Variants in NME7 observed in about 807,000 individuals in gnomAD.
The protein encoded by NME7 is NME/NM23 family member 7.
Under a neutral mutation model 49.1 loss-of-function variants are expected in NME7, and 41 were observed. That is an observed-to-expected ratio of 0.83 (90% CI 0.65 to 1.08). The LOEUF (loss-of-function observed/expected upper bound fraction) is 1.08, where lower values mean the gene tolerates loss of function less well. NME7 is among the 50% of genes least tolerant of loss of function. The pLI is 0.00. For synonymous variants in NME7, 139 were observed against 150.6 expected (o/e 0.92, Z 0.56); for missense variants, 423 against 463.4 (o/e 0.91, Z 0.80).
At chr1:169,171,086 G>GTT (rs1659572999) in intron 10 of NME7, among the ~76,000 whole-genome samples, 1 of 152,202 alleles carries the variant, frequency 6.6e-6, no homozygotes. Flanking sequence ...CCAGTAAACT[G>GTT]TTTTATTAGA....
chr1:169,291,819 T>C (rs1371697775), intron 6 of NME7, among the ~76,000 whole-genome samples: 3 of 152,100 alleles, frequency 2.0e-5, no homozygotes, highest in Admixed American at 2.0e-4. Context: ...CAATGAAGTA[T>C]TTTTAATTGA....
At chr1:169,179,179 T>TA (rs959416972) in intron 10 of NME7, among the ~76,000 whole-genome samples, 1 of 152,186 alleles carries the variant, frequency 6.6e-6, no homozygotes, top group African/African-American at 2.4e-5. Flanking sequence ...ATGGATCTAA[T>TA]ACATGTGGCC....
chr1:169,205,876 C>A (rs749558268), intron 10 of NME7, among the ~76,000 whole-genome samples: 5 of 152,116 alleles, frequency 3.3e-5, no homozygotes, highest in Non-Finnish European at 7.4e-5. Flanking sequence ...TTTGACCTCA[C>A]CTCACACATT....
At chr1:169,339,171 C>G (rs1293809255) in intron 1 of NME7, among the ~76,000 whole-genome samples, 1 of 152,040 alleles carries the variant, frequency 6.6e-6, no homozygotes, top group Non-Finnish European at 1.5e-5. Context: ...TCAAAAAACT[C>G]CCCCCCAAAC....
At chr1:169,171,806 G>GTTT (rs35524440) in intron 10 of NME7, among the ~76,000 whole-genome samples, 1 of 145,258 alleles carries the variant, frequency 6.9e-6, no homozygotes, top group African/African-American at 2.5e-5. Context: ...ATTCCTGGCT[G>GTTT]TTTTTTTTTT....
chr1:169,175,499 AGTGG>A (rs1410784918), intron 10 of NME7, among the ~76,000 whole-genome samples: 1 of 152,204 alleles, frequency 6.6e-6, no homozygotes, highest in African/African-American at 2.4e-5. Context: ...CTTTAATACA[AGTGG>A]CAGCACAGTA....
chr1:169,311,529 T>C (rs1373796107), intron 3 of NME7, among the ~76,000 whole-genome samples: 2 of 152,170 alleles, frequency 1.3e-5, no homozygotes, highest in African/African-American at 2.4e-5. Flanking sequence ...GTGTGTTTAT[T>C]ACAAATTATA....
chr1:169,365,399 G>A (rs1653813569), intron 1 of NME7, among the ~76,000 whole-genome samples: 1 of 152,182 alleles, frequency 6.6e-6, no homozygotes, highest in Admixed American at 6.5e-5. Context: ...AGAACACGTT[G>A]GCCTGTAATA....
chr1:169,301,171 A>C (rs971722239), intron 5 of NME7, among the ~76,000 whole-genome samples: 3 of 152,128 alleles, frequency 2.0e-5, no homozygotes, highest in Non-Finnish European at 4.4e-5. Context: ...ATATTCACAA[A>C]CTATGCATTC....
At chr1:169,309,214 C>T (rs1169677215) in intron 4 of NME7, among the ~76,000 whole-genome samples, 8 of 152,074 alleles carry the variant, frequency 5.3e-5, no homozygotes, top group African/African-American at 1.9e-4. Flanking sequence ...TCTTTTCTTT[C>T]TTCTTTTTCT....
chr1:169,340,201 G>T (rs1652634546), intron 1 of NME7, among the ~76,000 whole-genome samples: 1 of 152,176 alleles, frequency 6.6e-6, no homozygotes, highest in Non-Finnish European at 1.5e-5. Context: ...GGTGGAAGGT[G>T]ATTGGATTAC....
intron 10 of NME7, among the ~76,000 whole-genome samples, chr1:169,181,364 TACACACACACACACACACAC>T (rs58453647): frequency 3.3e-5 from 3 of 91,464 alleles, no homozygotes; most frequent in Admixed American, 9.9e-5. Flanking sequence ...CTCAAATTCC[TACACACACACACACACACAC>T]ACACACACAC....
At chr1:169,235,236 C>T (rs1188944726) in intron 8 of NME7, 37 bp from the exon 9 acceptor site, 4 of 1,156,794 alleles carry the variant, frequency 3.5e-6, no homozygotes, top group Non-Finnish European at 3.7e-6. Context: ...AACCATAAAC[C>T]AACCAACAAA....
intron 1 of NME7, among the ~76,000 whole-genome samples, chr1:169,355,074 TATAATATATAATATA>T: frequency 1.6e-5 from 1 of 64,090 alleles, no homozygotes; most frequent in Non-Finnish European, 2.7e-5. Flanking sequence ...ATATTATAGA[TATAATATATAATATA>T]CTATATATTA....
intron 7 of NME7, among the ~76,000 whole-genome samples, chr1:169,263,064 C>T (rs140920906): frequency 7.5e-6 from 1 of 133,058 alleles, no homozygotes; most frequent in Non-Finnish European, 1.8e-5. Flanking sequence ...AATCAAACCC[C>T]CAAGGGCATC....
intron 11 of NME7, among the ~76,000 whole-genome samples, chr1:169,161,711 A>T (rs185695415): frequency 6.6e-6 from 1 of 152,338 alleles, no homozygotes; most frequent in East Asian, 1.9e-4. Flanking sequence ...CTTAGTCTAT[A>T]GTTTAACCTG....
chr1:169,178,098 C>A (rs6664272), intron 10 of NME7, among the ~76,000 whole-genome samples: 20,446 of 152,098 alleles, frequency 0.13, 1,552 homozygotes, highest in African/African-American at 0.2. Context: ...CTCGGCCTCC[C>A]AAAGTGCTGG....
chr1:169,268,863 C>T (rs527521128), intron 7 of NME7, among the ~76,000 whole-genome samples: 1 of 132,352 alleles, frequency 7.6e-6, no homozygotes, highest in Admixed American at 7.5e-5. Context: ...AATGGGGTGA[C>T]GAAATAATCT....
At chr1:169,246,842 G>A in intron 7 of NME7, 2 of 345,678 alleles carry the variant, frequency 5.8e-6, no homozygotes, top group Non-Finnish European at 1.1e-5. Flanking sequence ...GCCTCCCAAA[G>A]TGCTGGGATT....
Sources: gnomAD v4.1 joint callset for allele counts (sites outside exome capture counted in the v4.1 genomes callset) on GRCh38, gnomAD v4.1.1 for gene constraint, MANE v1.5 for transcripts, NCBI Gene and HGNC (gene_info 2026-07-23, HGNC 2026-07-21) for gene names.